DOK6: variants seen among roughly 807,000 people sequenced by gnomAD.
DOK6 encodes the protein docking protein 6.
A neutral mutation model predicts 44.0 loss-of-function variants in DOK6; 22 were observed. The observed-to-expected ratio is 0.50, with a 90% CI of 0.36 to 0.71. The LOEUF is 0.71. Among genes scored for constraint, DOK6 ranks in the 30% least tolerant of loss-of-function variants. DOK6 has a pLI of 0.00. For missense variants in DOK6, 340 were observed against 416.4 expected (o/e 0.82, Z 1.60); for synonymous variants, 166 against 145.5 (o/e 1.14, Z -1.01).
chr18:69,778,736 A>G (rs1311569215), intron 7 of DOK6, among the ~76,000 whole-genome samples: 2 of 152,206 alleles, frequency 1.3e-5, no homozygotes, highest in African/African-American at 4.8e-5. Flanking sequence ...TCTAAAAATG[A>G]AAAATCAAAA....
intron 7 of DOK6, among the ~76,000 whole-genome samples, chr18:69,830,264 G>C (rs1245869636): frequency 1.3e-5 from 2 of 152,102 alleles, no homozygotes; most frequent in Non-Finnish European, 2.9e-5. Context: ...GATTTTTATA[G>C]CTTGTTATAG....
At chr18:69,654,093 A>G (rs936976541) in intron 3 of DOK6, among the ~76,000 whole-genome samples, 1 of 152,240 alleles carries the variant, frequency 6.6e-6, no homozygotes, top group East Asian at 1.9e-4. Flanking sequence ...TGAAGATTTG[A>G]TATTGATTAA....
At chr18:69,701,612 A>G (rs1420340880) in intron 5 of DOK6, among the ~76,000 whole-genome samples, 1 of 152,198 alleles carries the variant, frequency 6.6e-6, no homozygotes, top group Non-Finnish European at 1.5e-5. Flanking sequence ...GATCTTTTGT[A>G]TGAATTATTT....
intron 1 of DOK6, among the ~76,000 whole-genome samples, chr18:69,545,993 A>T (rs1014188065): frequency 7.9e-5 from 12 of 151,394 alleles, no homozygotes; most frequent in African/African-American, 2.2e-4. Context: ...TTATATAAAT[A>T]TGTAAACTAC....
At chr18:69,767,000 G>A (rs1339328060) in intron 7 of DOK6, among the ~76,000 whole-genome samples, 2 of 152,102 alleles carry the variant, frequency 1.3e-5, no homozygotes, top group Admixed American at 1.3e-4. Context: ...GCTGAGGCAG[G>A]CAGATCACTT....
At chr18:69,800,295 T>G (rs1182852242) in intron 7 of DOK6, among the ~76,000 whole-genome samples, 2 of 152,140 alleles carry the variant, frequency 1.3e-5, no homozygotes, top group African/African-American at 2.4e-5. Flanking sequence ...AATTAGTTTC[T>G]TCTCTTCCCC....
At chr18:69,466,267 T>C (rs1455149174) in intron 1 of DOK6, among the ~76,000 whole-genome samples, 2 of 152,208 alleles carry the variant, frequency 1.3e-5, no homozygotes, top group Non-Finnish European at 2.9e-5. Context: ...TCATGCAGCA[T>C]TTGTCCTTCT....
At chr18:69,520,807 A>G (rs563648878) in intron 1 of DOK6, among the ~76,000 whole-genome samples, 1 of 152,016 alleles carries the variant, frequency 6.6e-6, no homozygotes, top group East Asian at 1.9e-4. Flanking sequence ...ACTAGGTAAT[A>G]GGGTGGGGTT....
chr18:69,770,030 G>T (rs757769536), intron 7 of DOK6, among the ~76,000 whole-genome samples: 14 of 152,136 alleles, frequency 9.2e-5, no homozygotes, highest in Non-Finnish European at 1.6e-4. Context: ...AAGATATTAT[G>T]CTAGGTGTTA....
At chr18:69,655,201 G>A (rs1025747696) in intron 3 of DOK6, among the ~76,000 whole-genome samples, 5 of 152,044 alleles carry the variant, frequency 3.3e-5, no homozygotes, top group African/African-American at 1.2e-4. Flanking sequence ...AGACAAAAAA[G>A]CGAATTAGCA....
chr18:69,531,642 T>C (rs1372829298), intron 1 of DOK6, among the ~76,000 whole-genome samples: 1 of 152,112 alleles, frequency 6.6e-6, no homozygotes, highest in Non-Finnish European at 1.5e-5. Context: ...TGTACGTTCA[T>C]TCCTTTTGTT....
chr18:69,654,121 G>A (rs1187939526), intron 3 of DOK6, among the ~76,000 whole-genome samples: 1 of 152,166 alleles, frequency 6.6e-6, no homozygotes, highest in Non-Finnish European at 1.5e-5. Flanking sequence ...TGAGGAGGGT[G>A]TTAGTAAACA....
At chr18:69,614,544 TTGTGTGTGTGTGTG>T (rs34596745) in intron 3 of DOK6, among the ~76,000 whole-genome samples, 2 of 149,014 alleles carry the variant, frequency 1.3e-5, no homozygotes, top group Non-Finnish European at 3.0e-5. Flanking sequence ...TATTTTTTCT[TTGTGTGTGTGTGTG>T]TGTGTGTGTG....
rs1982277578 is a variant in DOK6, at chr18:69,843,368, G to A, written c.*1985G>A. The A allele has an allele frequency of 6.6e-6, 1 of 152,244 alleles. No individual in the cohort carries two copies. The highest frequency in any genetic ancestry group is 6.5e-5 in the Admixed American group (1 of 15,284). 9.4% of individuals were successfully genotyped at this position (152,244 alleles called of 1,614,324 possible). A position where few individuals can be genotyped will look rare whatever the true frequency, so the allele number is the denominator to read the frequency against. On this transcript the variant is annotated 3_prime_UTR_variant, in exon 8 of 8. Coordinates refer to ENST00000382713, the MANE Select transcript of DOK6 (RefSeq NM_152721.6). ...GGCATTTGCTTTTGAAATGCCTTTAGTCAAATACACCAGAGCAACTCCCAG... is the reference window on the plus strand; with the variant it reads ...GGCATTTGCTTTTGAAATGCCTTTAATCAAATACACCAGAGCAACTCCCAG...
At chr18:69,621,467 T>C (rs532683456) in intron 3 of DOK6, among the ~76,000 whole-genome samples, 1 of 152,340 alleles carries the variant, frequency 6.6e-6, no homozygotes, top group South Asian at 2.1e-4. Flanking sequence ...TGTAGGAATG[T>C]ATATATTTTG....
chr18:69,583,887 TC>T (rs1321976892), intron 2 of DOK6, among the ~76,000 whole-genome samples: 1 of 151,986 alleles, frequency 6.6e-6, no homozygotes, highest in Non-Finnish European at 1.5e-5. Context: ...GGCGGGAGGA[TC>T]ATGAAGTCAG....
intron 1 of DOK6, among the ~76,000 whole-genome samples, chr18:69,451,260 T>A (rs1979458044): frequency 7.3e-6 from 1 of 137,428 alleles, no homozygotes; most frequent in African/African-American, 2.7e-5. Context: ...GGGGTTGCAA[T>A]CCTAGTCTCT....
intron 1 of DOK6, among the ~76,000 whole-genome samples, chr18:69,408,801 G>T (rs1017224583): frequency 6.6e-6 from 1 of 152,088 alleles, no homozygotes; most frequent in Non-Finnish European, 1.5e-5. Context: ...GGATTATTTT[G>T]TTTGTTTCTT....
chr18:69,625,011 T>G (rs1272184914), intron 3 of DOK6, among the ~76,000 whole-genome samples: 1 of 152,128 alleles, frequency 6.6e-6, no homozygotes, highest in East Asian at 1.9e-4. Flanking sequence ...TATGAAAATA[T>G]ATTGAAAGTT....
Sources: allele counts gnomAD v4.1 joint callset (sites outside exome capture counted in the v4.1 genomes callset), GRCh38; gene constraint gnomAD v4.1.1; transcripts MANE v1.5; gene names NCBI Gene and HGNC (gene_info 2026-07-23, HGNC 2026-07-21).